Variants in DGKI observed in about 807,000 individuals in gnomAD.
DGKI encodes diacylglycerol kinase iota, also known as DAG kinase iota.
In DGKI, 55 loss-of-function variants were observed where a neutral mutation model predicts 147.5. The ratio of observed to expected loss-of-function variants is 0.37; its 90% CI spans 0.30 to 0.47. DGKI has a LOEUF of 0.47. Ranked by LOEUF, DGKI falls within the 20% of genes least tolerant of loss-of-function variation. The pLI is 1.00. For missense variants in DGKI, 1,007 were observed against 1,323.8 expected (o/e 0.76, Z 3.71); for synonymous variants, 469 against 477.1 (o/e 0.98, Z 0.22).
intron 8 of DGKI, 63 bp downstream of exon 8, chr7:137,619,761 G>C (rs1820674876): frequency 7.8e-7 from 1 of 1,281,960 alleles, no homozygotes; most frequent in Admixed American, 1.7e-5. Context: ...GGGGAGAAAA[G>C]CACGAAGCAG....
Position 137,386,264 on chromosome 7 carries a change from C to T in DGKI, c.*4956G>A, listed in dbSNP as rs1209729295. 2.0e-5 allele frequency: 3 copies of T among 152,056 alleles called. No homozygotes were observed. The allele number at this position is 152,056 out of a possible 1,614,324, so 9.4% of individuals were successfully genotyped here. ...TCTTGGTTCTTATTTTCAGGTTTCT[C>T]ATTAAGCTGTGAGGAGACAGTGTAA... On this transcript the variant is annotated 3_prime_UTR_variant, in exon 33 of 33. Transcript: ENST00000614521.
At chr7:137,590,811 G>A (rs576571525) in intron 12 of DGKI, among the ~76,000 whole-genome samples, 3 of 152,248 alleles carry the variant, frequency 2.0e-5, no homozygotes, top group East Asian at 1.9e-4. Context: ...TCCAGCCTCC[G>A]CCACGCGAGC....
At chr7:137,405,408 G>C (rs978522719) in intron 30 of DGKI, among the ~76,000 whole-genome samples, 2 of 151,996 alleles carry the variant, frequency 1.3e-5, no homozygotes, top group South Asian at 2.1e-4. Flanking sequence ...CGGCCATCTT[G>C]TATTTTTATT....
At chr7:137,547,371 T>C (rs1817899570) in intron 20 of DGKI, among the ~76,000 whole-genome samples, 1 of 152,234 alleles carries the variant, frequency 6.6e-6, no homozygotes, top group African/African-American at 2.4e-5. Context: ...TAGAAAACAT[T>C]AATTTTTCCT....
intron 17 of DGKI, among the ~76,000 whole-genome samples, chr7:137,575,634 G>T (rs750535744): frequency 9.2e-5 from 14 of 152,190 alleles, no homozygotes; most frequent in Non-Finnish European, 1.6e-4. Context: ...ATGTAAGGTT[G>T]CTGCTACTTA....
chr7:137,810,379 A>C (rs1797523382), intron 1 of DGKI, among the ~76,000 whole-genome samples: 1 of 152,220 alleles, frequency 6.6e-6, no homozygotes, highest in Non-Finnish European at 1.5e-5. Context: ...ATTAAGGAAA[A>C]GAAAACGAAA....
chr7:137,702,548 C>T (rs535852683), intron 1 of DGKI, among the ~76,000 whole-genome samples: 33 of 152,088 alleles, frequency 2.2e-4, no homozygotes, highest in Admixed American at 3.9e-4. Flanking sequence ...CATTTGGTCA[C>T]GAAAAATAAC....
At chr7:137,714,563 T>C (rs1794321127) in intron 1 of DGKI, among the ~76,000 whole-genome samples, 1 of 152,218 alleles carries the variant, frequency 6.6e-6, no homozygotes, top group Non-Finnish European at 1.5e-5. Flanking sequence ...CCAAATCCCA[T>C]GGTAGATCTT....
At chr7:137,592,867 A>G (rs1314371636) in intron 12 of DGKI, among the ~76,000 whole-genome samples, 1 of 152,244 alleles carries the variant, frequency 6.6e-6, no homozygotes, top group Non-Finnish European at 1.5e-5. Flanking sequence ...GATAAAAATC[A>G]GAATATGACC....
At chr7:137,785,878 T>C (rs566097689) in intron 1 of DGKI, among the ~76,000 whole-genome samples, 1 of 152,262 alleles carries the variant, frequency 6.6e-6, no homozygotes, top group Admixed American at 6.5e-5. Context: ...AATCACATGA[T>C]CATCTCAATA....
intron 2 of DGKI, among the ~76,000 whole-genome samples, chr7:137,686,045 C>A (rs1823403261): frequency 6.6e-6 from 1 of 152,126 alleles, no homozygotes; most frequent in Admixed American, 6.5e-5. Context: ...ATGCTGCACT[C>A]TCCACTGTGA....
chr7:137,384,766 G>A lies in DGKI; in HGVS notation c.*6454C>T, dbSNP rs1811137339. 6.6e-6 allele frequency: 1 copy of A among 152,162 alleles called. No individual in the cohort carries two copies. Among genetic ancestry groups the A allele is most frequent in the Non-Finnish European group, 1.5e-5 (1 of 67,976 alleles). The allele number at this position is 152,162 out of a possible 1,614,324, so 9.4% of individuals were successfully genotyped here. Reference sequence around the variant, plus strand: ...TGAGTTGTTTATACTGTCATAGAGTGAAAACTATATGTGTGTTTCACTAAA... The same window carrying A: ...TGAGTTGTTTATACTGTCATAGAGTAAAAACTATATGTGTGTTTCACTAAA... On this transcript the variant is annotated 3_prime_UTR_variant, in exon 33 of 33. Transcript: ENST00000614521.
intron 10 of DGKI, among the ~76,000 whole-genome samples, chr7:137,600,370 G>A (rs976619717): frequency 1.3e-5 from 2 of 152,150 alleles, no homozygotes; most frequent in Non-Finnish European, 2.9e-5. Flanking sequence ...TAGGTTGAAT[G>A]TCAGTTTAGA....
chr7:137,630,827 A>C (rs1388207878), intron 6 of DGKI, among the ~76,000 whole-genome samples: 1 of 152,214 alleles, frequency 6.6e-6, no homozygotes, highest in East Asian at 1.9e-4. Context: ...CTAGAACACC[A>C]GGAAGGTTTC....
chr7:137,620,788 T>C (rs773857606), intron 7 of DGKI, among the ~76,000 whole-genome samples: 1 of 152,236 alleles, frequency 6.6e-6, no homozygotes, highest in African/African-American at 2.4e-5. Context: ...TATAAAGTGA[T>C]AGTGATGTGT....
intron 1 of DGKI, among the ~76,000 whole-genome samples, chr7:137,751,326 ATC>A (rs930711011): frequency 6.6e-6 from 1 of 152,240 alleles, no homozygotes; most frequent in African/African-American, 2.4e-5. Context: ...ACTATCAGAC[ATC>A]TCTGTTATGT....
intron 20 of DGKI, among the ~76,000 whole-genome samples, chr7:137,534,974 A>G (rs1271754793): frequency 6.6e-6 from 1 of 152,168 alleles, no homozygotes; most frequent in Non-Finnish European, 1.5e-5. Context: ...AGGGAAGACC[A>G]TATGAAGACA....
chr7:137,479,461 T>C (rs73730630), intron 23 of DGKI, among the ~76,000 whole-genome samples: 3,787 of 152,226 alleles, frequency 0.025, 152 homozygotes, highest in African/African-American at 0.087. Flanking sequence ...GCACAAATTA[T>C]ATAAAATTGA....
At chr7:137,758,893 C>T (rs1197139353) in intron 1 of DGKI, among the ~76,000 whole-genome samples, 1 of 152,110 alleles carries the variant, frequency 6.6e-6, no homozygotes, top group Admixed American at 6.5e-5. Context: ...CATATAGGCG[C>T]TTTGGGCTTA....
Sources: allele counts gnomAD v4.1 joint callset (sites outside exome capture counted in the v4.1 genomes callset), GRCh38; gene constraint gnomAD v4.1.1; transcripts MANE v1.5; gene names NCBI Gene and HGNC (gene_info 2026-07-23, HGNC 2026-07-21).